The following C3orf22 variants were observed in gnomAD, a reference collection of about 807,000 sequenced individuals.
C3orf22 encodes the protein uncharacterized protein C3orf22.
C3orf22 carries 7 observed loss-of-function variants against 10.8 expected under a neutral mutation model. The ratio of observed to expected loss-of-function variants is 0.65; its 90% CI spans 0.37 to 1.22. The LOEUF (loss-of-function observed/expected upper bound fraction) is 1.22, where lower values mean the gene tolerates loss of function less well. Among genes scored for constraint, C3orf22 ranks in the 50% most tolerant of loss-of-function variants. C3orf22 has a pLI of 0.02. For missense variants in C3orf22, 173 were observed against 177.0 expected (o/e 0.98, Z 0.13); for synonymous variants, 79 against 78.9 (o/e 1.00, Z 0.00).
At chr3:126,539,165 C>T (rs1936867122) in intron 4 of C3orf22, among the ~76,000 whole-genome samples, 1 of 152,100 alleles carries the variant, frequency 6.6e-6, no homozygotes, top group African/African-American at 2.4e-5. Flanking sequence ...CAAGGAACCC[C>T]CACCTTCCCA....
chr3:126,542,843 C>A (rs1937001552), intron 4 of C3orf22: 1 of 384,640 alleles, frequency 2.6e-6, no homozygotes, highest in South Asian at 7.6e-5. Flanking sequence ...CTCTCCAGGC[C>A]CCGTAGATGG....
At chr3:126,554,262 GTTT>G (rs772991755) in intron 1 of C3orf22, among the ~76,000 whole-genome samples, 1,549 of 80,914 alleles carry the variant, frequency 0.019, 11 homozygotes, top group African/African-American at 0.039. Flanking sequence ...TTTTTCTGTT[GTTT>G]TTTTTTTTTT....
In C3orf22 at chr3:126,551,978, C is replaced by G; in HGVS notation, c.215+19G>C. On this transcript the variant is annotated intron_variant, in intron 3 of 3. Coordinates refer to ENST00000318225, the MANE Select transcript of C3orf22 (RefSeq NM_152533.3). Reference sequence around the variant, plus strand: ...TGCACACAGCCAGTGGGGGTGGTGGCATCAGGGCAGGGACTTACCCTCGGA... The same window carrying G: ...TGCACACAGCCAGTGGGGGTGGTGGGATCAGGGCAGGGACTTACCCTCGGA... 6.3e-7 allele frequency: 1 copy of G among 1,579,042 alleles called. No individual in the cohort carries two copies. Among genetic ancestry groups the G allele is most frequent in the Non-Finnish European group, 8.6e-7 (1 of 1,161,938 alleles).
chr3:126,529,332 C>T (rs1212578578), exon 5 of C3orf22: 2 of 1,289,368 alleles, frequency 1.6e-6, no homozygotes, highest in Admixed American at 4.6e-5. Flanking sequence ...CTTCCCTGGG[C>T]TGGTATTTCC....
At chr3:126,539,846 A>AG (rs796803593) in intron 4 of C3orf22, among the ~76,000 whole-genome samples, 1 of 1,728 alleles carries the variant, frequency 5.8e-4, no homozygotes, top group Admixed American at 5.9e-3. Flanking sequence ...CACCACACAC[A>AG]TCACACACAC....
chr3:126,551,980 T>C lies in C3orf22; in HGVS notation c.215+17A>G, dbSNP rs1446759082. ...CACACAGCCAGTGGGGGTGGTGGCA[T>C]CAGGGCAGGGACTTACCCTCGGACT... On this transcript the variant is annotated intron_variant, in intron 3 of 3. Transcript: ENST00000318225. The C allele has an allele frequency of 6.3e-7, 1 of 1,578,036 alleles. No individual in the cohort carries two copies. Among genetic ancestry groups the C allele is most frequent in the Admixed American group, 1.9e-5 (1 of 52,680 alleles).
At chr3:126,538,834 G>A (rs1479678288) in intron 4 of C3orf22, among the ~76,000 whole-genome samples, 1 of 152,172 alleles carries the variant, frequency 6.6e-6, no homozygotes, top group East Asian at 1.9e-4. Context: ...CACTTAGCAT[G>A]ATGTCCTCAG....
At chr3:126,542,244 A>G (rs1227805824) in intron 4 of C3orf22, 1 of 1,532,172 alleles carries the variant, frequency 6.5e-7, no homozygotes, top group South Asian at 1.2e-5. Flanking sequence ...TTCCTGGCCT[A>G]CCTGCTGGAC....
chr3:126,550,182 A>G (rs1008273688), intron 3 of C3orf22, 104 bp from the exon 4 acceptor site: 6 of 1,255,884 alleles, frequency 4.8e-6, no homozygotes, highest in African/African-American at 4.4e-5. Context: ...GAGGGCTCCA[A>G]CTGAGATCTA....
chr3:126,541,662 G>A, intron 4 of C3orf22: 1 of 1,335,752 alleles, frequency 7.5e-7, no homozygotes, highest in Non-Finnish European at 9.7e-7. Context: ...CATCCCGCCG[G>A]GGCAGCGCCA....
downstream of C3orf22, chr3:126,549,681 C>T: frequency 2.6e-6 from 4 of 1,525,604 alleles, no homozygotes; most frequent in South Asian, 3.6e-5. Flanking sequence ...AGTGATCATT[C>T]CAGCTGGAAG....
chr3:126,541,940 C>T, intron 4 of C3orf22: 3 of 1,590,664 alleles, frequency 1.9e-6, no homozygotes, highest in Non-Finnish European at 1.7e-6. Context: ...GCTGAGCGGC[C>T]AAGCCCGCGG....
chr3:126,554,763 T>C (rs1272428823), intron 1 of C3orf22, among the ~76,000 whole-genome samples: 1 of 152,176 alleles, frequency 6.6e-6, no homozygotes, highest in Non-Finnish European at 1.5e-5. Context: ...CAATGCCGAC[T>C]GCCTGCCAGT....
rs756929433 is a variant in C3orf22 at position 126,549,836 on chromosome 3, C to T, written c.*32G>A. 30 of 1,583,420 alleles carry T rather than the reference C, an allele frequency of 1.9e-5. 1 individual carries two copies. The highest frequency in any genetic ancestry group is 2.5e-5 in the Non-Finnish European group (29 of 1,164,178). On this transcript the variant is annotated 3_prime_UTR_variant, in exon 4 of 4. Coordinates refer to ENST00000318225, the MANE Select transcript of C3orf22 (RefSeq NM_152533.3). Reference sequence around the variant, plus strand: ...CCAGAGCCTGCCAAGGAGAAGGTGGCCAATAAGAAGGCCACACACAGAGCC... The same window carrying T: ...CCAGAGCCTGCCAAGGAGAAGGTGGTCAATAAGAAGGCCACACACAGAGCC...
chr3:126,549,829 A>C lies in C3orf22; in HGVS notation c.*39T>G, dbSNP rs896653730. On this transcript the variant is annotated 3_prime_UTR_variant, in exon 4 of 4. Transcript: ENST00000318225. ...CTACTGCCCAGAGCCTGCCAAGGAG[A>C]AGGTGGCCAATAAGAAGGCCACACA... 4 of 1,580,158 alleles carry C rather than the reference A, an allele frequency of 2.5e-6. No individual in the cohort carries two copies. The African/African-American group carries it at 5.4e-5, about 21-fold the overall frequency.
downstream of C3orf22, among the ~76,000 whole-genome samples, chr3:126,548,295 C>T (rs528701936): frequency 8.5e-4 from 130 of 152,328 alleles, no homozygotes; most frequent in African/African-American, 2.9e-3. Flanking sequence ...CATGTCTGGC[C>T]AAATTATAAC....
At chr3:126,544,021 C>T (rs368545508) in intron 4 of C3orf22, among the ~76,000 whole-genome samples, 1 of 152,224 alleles carries the variant, frequency 6.6e-6, no homozygotes. Context: ...CCCTCCAAAA[C>T]TCATGTTGAA....
Position 126,541,966 on chromosome 3 carries a change from C to T in C3orf22, c.286+7571G>A. 1.9e-6 allele frequency: 3 copies of T among 1,584,532 alleles called. No individual in the cohort carries two copies. In the South Asian group the frequency reaches 3.4e-5, roughly 18 times the overall value. On this transcript the variant is annotated intron_variant and NMD_transcript_variant, in intron 4 of 5. Transcript: ENST00000505070. ...AAGCCCGCGGCGACCCGCGCGCCAT[C>T]TCCGCGCAAGAGGCGCACGCGCCTG...
intron 4 of C3orf22, chr3:126,542,553 C>A (rs1383084821): frequency 6.6e-7 from 1 of 1,509,920 alleles, no homozygotes; most frequent in South Asian, 1.3e-5. Context: ...AACTACTCCG[C>A]CCCCTCCTAC....
Sources: gnomAD v4.1 joint callset for allele counts (sites outside exome capture counted in the v4.1 genomes callset) on GRCh38, gnomAD v4.1.1 for gene constraint, MANE v1.5 for transcripts, NCBI Gene and HGNC (gene_info 2026-07-23, HGNC 2026-07-21) for gene names.